PVT1: variants seen among roughly 807,000 people sequenced by gnomAD.
PVT1 encodes Pvt1 oncogene, also known as CXCR4/PVT1 fusion.
In PVT1 at chr8:128,003,217, C is replaced by T. The variant is rs111320297; in HGVS notation, n.912+13926C>T. Among the ~76,000 whole-genome samples, 58 of 131,890 alleles carry T rather than the reference C, an allele frequency of 4.4e-4. 2 individuals are homozygous for T. Among genetic ancestry groups the T allele is most frequent in the African/African-American group, 1.6e-3 (55 of 34,906 alleles). The allele number at this position is 131,890 out of a possible 152,430, so 86.5% of individuals were successfully genotyped here. On this transcript the variant is annotated intron_variant and non_coding_transcript_variant, in intron 4 of 10. Transcript: ENST00000651587. The stretch of plus-strand genomic sequence containing the variant: ...CTGTGTTAGACAATCCTGCCTCCCT[C>T]CCTCCCTCCCTTTCTTCCTTCCTTC...
intron 5 of PVT1, among the ~76,000 whole-genome samples, chr8:128,071,806 G>A (rs985343009): frequency 4.6e-5 from 7 of 151,998 alleles, no homozygotes; most frequent in Admixed American, 2.6e-4. Flanking sequence ...TTATTTCTAC[G>A]ATCTCATAGA....
At chr8:127,873,586 G>T (rs1248044992) in intron 2 of PVT1, among the ~76,000 whole-genome samples, 1 of 152,156 alleles carries the variant, frequency 6.6e-6, no homozygotes, top group Non-Finnish European at 1.5e-5. Flanking sequence ...CTCCCAGCAG[G>T]TAAAAGAGCT....
intron 4 of PVT1, among the ~76,000 whole-genome samples, chr8:128,008,243 C>T (rs1468188143): frequency 6.6e-6 from 1 of 152,074 alleles, no homozygotes; most frequent in Non-Finnish European, 1.5e-5. Context: ...ATTTTGTTTA[C>T]GTGGATTTAT....
intron 4 of PVT1, among the ~76,000 whole-genome samples, chr8:128,025,067 C>G (rs944497712): frequency 1.3e-5 from 2 of 152,236 alleles, no homozygotes; most frequent in African/African-American, 2.4e-5. Flanking sequence ...CTGGCTGCCC[C>G]GGCATCTACC....
chr8:127,802,262 G>A (rs1471586649), intron 2 of PVT1, among the ~76,000 whole-genome samples: 3 of 152,128 alleles, frequency 2.0e-5, no homozygotes. Flanking sequence ...CACCCAGGCT[G>A]GAATGCAGTG....
At chr8:128,086,861 G>A (rs1814264801) in intron 5 of PVT1, among the ~76,000 whole-genome samples, 2 of 152,178 alleles carry the variant, frequency 1.3e-5, no homozygotes, top group African/African-American at 4.8e-5. Flanking sequence ...TGTTGGGAGT[G>A]GTTTCTGTTG....
chr8:127,819,702 G>C (rs1443379411), intron 2 of PVT1, among the ~76,000 whole-genome samples: 2 of 152,150 alleles, frequency 1.3e-5, no homozygotes, highest in African/African-American at 2.4e-5. Context: ...CAGAGCAGTT[G>C]GGGATGCCTT....
intron 3 of PVT1, among the ~76,000 whole-genome samples, chr8:127,967,137 G>A (rs1816711606): frequency 6.6e-6 from 1 of 152,216 alleles, no homozygotes; most frequent in African/African-American, 2.4e-5. Flanking sequence ...CCCCAGGGCT[G>A]ATTGCAGGTT....
chr8:128,062,614 G>A (rs1396046568), intron 4 of PVT1, among the ~76,000 whole-genome samples: 7 of 152,118 alleles, frequency 4.6e-5, no homozygotes, highest in African/African-American at 9.7e-5. Context: ...CATGTCATTT[G>A]TAGGCTAGAA....
At chr8:127,856,000 C>T (rs547611673) in intron 2 of PVT1, among the ~76,000 whole-genome samples, 1 of 152,318 alleles carries the variant, frequency 6.6e-6, no homozygotes, top group East Asian at 1.9e-4. Flanking sequence ...AAGTTCATTC[C>T]GTTGTTATTC....
At chr8:127,929,005 C>A (rs12386848) in intron 3 of PVT1, among the ~76,000 whole-genome samples, 1,559 of 152,228 alleles carry the variant, frequency 0.01, 22 homozygotes, top group African/African-American at 0.036. Flanking sequence ...CAGTGGGAGC[C>A]AGCATGCCAG....
chr8:127,978,201 G>C (rs1199444459), intron 3 of PVT1, among the ~76,000 whole-genome samples: 1 of 151,964 alleles, frequency 6.6e-6, no homozygotes, highest in African/African-American at 2.4e-5. Flanking sequence ...ACCCAGGCTG[G>C]AGTGCAGTGG....
intron 4 of PVT1, among the ~76,000 whole-genome samples, chr8:128,019,488 G>A (rs2033098): frequency 0.64 from 97,367 of 152,070 alleles, 31,543 homozygotes; most frequent in East Asian, 0.71. Context: ...CACCGCAGCC[G>A]ATTTCAGGCA....
chr8:128,092,891 A>T (rs1046227830), intron 5 of PVT1, among the ~76,000 whole-genome samples: 5 of 152,240 alleles, frequency 3.3e-5, no homozygotes, highest in Non-Finnish European at 7.4e-5. Flanking sequence ...TCAGTCTTCC[A>T]TCCCGCTCTC....
chr8:127,917,610 G>A (rs1816002891), intron 3 of PVT1, among the ~76,000 whole-genome samples: 1 of 152,204 alleles, frequency 6.6e-6, no homozygotes, highest in Non-Finnish European at 1.5e-5. Flanking sequence ...AGAAATAGAG[G>A]GGCCGGTCAG....
intron 3 of PVT1, among the ~76,000 whole-genome samples, chr8:127,935,803 A>C (rs573797133): frequency 2.6e-5 from 4 of 152,196 alleles, no homozygotes; most frequent in South Asian, 2.1e-4. Context: ...AACAGTGTCC[A>C]GCATGCAGTA....
chr8:127,846,628 G>A (rs1295500380), intron 2 of PVT1, among the ~76,000 whole-genome samples: 13 of 152,150 alleles, frequency 8.5e-5, no homozygotes. Context: ...GCTGATAGCT[G>A]TGTGGGAAAT....
intron 5 of PVT1, among the ~76,000 whole-genome samples, chr8:128,094,200 T>C (rs1010305406): frequency 6.6e-6 from 1 of 152,198 alleles, no homozygotes; most frequent in African/African-American, 2.4e-5. Flanking sequence ...CCACAGCCTG[T>C]TTTTGTACAG....
At chr8:127,935,154 C>T (rs28565877) in intron 3 of PVT1, among the ~76,000 whole-genome samples, 43,806 of 151,936 alleles carry the variant, frequency 0.29, 6,957 homozygotes, top group East Asian at 0.5. Context: ...TTAGTAGAGA[C>T]GGGGTTTCTC....
Sources: allele counts gnomAD v4.1 joint callset (sites outside exome capture counted in the v4.1 genomes callset), GRCh38; gene constraint gnomAD v4.1.1; transcripts MANE v1.5; gene names NCBI Gene and HGNC (gene_info 2026-07-23, HGNC 2026-07-21).